ATP13A5: variants seen among roughly 807,000 people sequenced by gnomAD.
ATP13A5 encodes probable cation-transporting ATPase 13A5.
In ATP13A5, 149 loss-of-function variants were observed where a neutral mutation model predicts 150.2. That is an observed-to-expected ratio of 0.99 (90% CI 0.87 to 1.14). The LOEUF is 1.14. ATP13A5 is among the 50% of genes most tolerant of loss of function. ATP13A5 has a pLI of 0.00. For missense variants in ATP13A5, 1,383 were observed against 1,449.3 expected, an observed-to-expected ratio of 0.95 and a Z score of 0.74; for synonymous variants, 497 against 522.2, an observed-to-expected ratio of 0.95 and a Z score of 0.66.
At chr3:193,291,425 C>T (rs962654252) in intron 25 of ATP13A5, among the ~76,000 whole-genome samples, 3 of 151,990 alleles carry the variant, frequency 2.0e-5, no homozygotes, top group Non-Finnish European at 4.4e-5. Flanking sequence ...CTTTGAAATG[C>T]CCTCAGTGAT....
At chr3:193,285,992 G>GT (rs1560113909) in intron 26 of ATP13A5, among the ~76,000 whole-genome samples, 2 of 151,982 alleles carry the variant, frequency 1.3e-5, no homozygotes. Flanking sequence ...TTTTTTTGTG[G>GT]TTTTGTTTTT....
chr3:193,326,746 A>G (rs570322583), intron 13 of ATP13A5, among the ~76,000 whole-genome samples: 1 of 152,228 alleles, frequency 6.6e-6, no homozygotes, highest in South Asian at 2.1e-4. Context: ...TCTCTGTTTT[A>G]TTCATTTAGT....
At chr3:193,307,092 A>G in intron 22 of ATP13A5, 2 of 984,944 alleles carry the variant, frequency 2.0e-6, no homozygotes, top group Non-Finnish European at 2.4e-6. Context: ...TGGGAGTCTA[A>G]GTAGCCTTCC....
Position 193,334,963 on chromosome 3 carries a change from C to T in ATP13A5, c.1080G>A (p.Gly360=). The T allele has an allele frequency of 6.2e-7, 1 of 1,613,894 alleles. No homozygotes were observed. The highest frequency in any genetic ancestry group is 8.5e-7 in the Non-Finnish European group (1 of 1,179,818). ...AAACGACTGCTCGTACAGGCCCCTGCCCAGAGGGCTTGACCTGGATAACTT... is the reference window on the plus strand; with the variant it reads ...AAACGACTGCTCGTACAGGCCCCTGTCCAGAGGGCTTGACCTGGATAACTT... ...GTEVIQVKPS[G]QGPVRAVVLQ... is the part of the protein sequence containing the mutation. The change falls in exon 10 of 30, where the codon GGG becomes GGA. Residue 360 remains glycine (G), a synonymous_variant. Coordinates refer to ENST00000342358, the MANE Select transcript of ATP13A5 (RefSeq NM_198505.4).
At chr3:193,311,048 C>T (rs1161958080) in intron 20 of ATP13A5, among the ~76,000 whole-genome samples, 1 of 152,136 alleles carries the variant, frequency 6.6e-6, no homozygotes. Context: ...TCCTGATAGA[C>T]ACCATCTCCA....
rs575305148 is a variant in ATP13A5, at chr3:193,331,316, G to A, written c.1273-5C>T. On this transcript the variant is annotated splice_polypyrimidine_tract_variant and splice_region_variant and intron_variant, in intron 11 of 29. Transcript: ENST00000342358. ...CACAGTATCTTTTGGAGGAACCTGG[G>A]AGAGGACAGACATTTTCATACAGGA... The A allele has an allele frequency of 1.9e-6, 3 of 1,611,080 alleles. No individual in the cohort carries two copies. Among genetic ancestry groups the A allele is most frequent in the Admixed American group, 1.7e-5 (1 of 59,860 alleles).
chr3:193,288,231 C>T (rs578091011), intron 26 of ATP13A5, among the ~76,000 whole-genome samples: 5 of 152,246 alleles, frequency 3.3e-5, no homozygotes, highest in East Asian at 3.9e-4. Context: ...GACAAAGCAT[C>T]AGCAGGGTTT....
chr3:193,291,079 T>A (rs1210361645), intron 25 of ATP13A5, among the ~76,000 whole-genome samples: 1 of 152,098 alleles, frequency 6.6e-6, no homozygotes, highest in Non-Finnish European at 1.5e-5. Flanking sequence ...ATGATAAAAC[T>A]CTATAGTATT....
At chr3:193,336,465 C>A (rs920324725) in intron 9 of ATP13A5, among the ~76,000 whole-genome samples, 3 of 152,132 alleles carry the variant, frequency 2.0e-5, no homozygotes, top group Non-Finnish European at 4.4e-5. Context: ...TCAATTCCCA[C>A]CTATGAGTGA....
chr3:193,340,934 T>C (rs1712095789), intron 9 of ATP13A5, among the ~76,000 whole-genome samples: 1 of 152,126 alleles, frequency 6.6e-6, no homozygotes, highest in South Asian at 2.1e-4. Context: ...CTAATAAATA[T>C]CTGTAGAATG....
intron 7 of ATP13A5, among the ~76,000 whole-genome samples, chr3:193,347,524 C>CTTTTTTTTTTTTTTT (rs1553820269): frequency 3.1e-4 from 45 of 145,418 alleles, no homozygotes; most frequent in African/African-American, 1.0e-3. Flanking sequence ...CCTTAGATTT[C>CTTTTTTTTTTTTTTT]TTTTTTTTTT....
chr3:193,371,607 G>A (rs1157716099), intron 1 of ATP13A5, among the ~76,000 whole-genome samples: 2 of 152,130 alleles, frequency 1.3e-5, no homozygotes, highest in Non-Finnish European at 2.9e-5. Flanking sequence ...CCTTAAGATG[G>A]GGGGCCCCCA....
At chr3:193,325,429 CA>C (rs1266699730) in intron 13 of ATP13A5, among the ~76,000 whole-genome samples, 2 of 152,160 alleles carry the variant, frequency 1.3e-5, no homozygotes, top group African/African-American at 4.8e-5. Context: ...CAGAATTTTC[CA>C]CTGGCCAATC....
chr3:193,355,353 T>C (rs1460024558), intron 5 of ATP13A5, among the ~76,000 whole-genome samples: 2 of 152,184 alleles, frequency 1.3e-5, no homozygotes, highest in African/African-American at 4.8e-5. Flanking sequence ...GCACTTATTG[T>C]AATAGAAACT....
intron 5 of ATP13A5, among the ~76,000 whole-genome samples, chr3:193,359,384 T>TTCTCTC (rs367611908): frequency 6.6e-6 from 1 of 150,860 alleles, no homozygotes; most frequent in Admixed American, 6.6e-5. Flanking sequence ...CTCTCTGTCC[T>TTCTCTC]TCTCTCTCTC....
intron 1 of ATP13A5, among the ~76,000 whole-genome samples, chr3:193,371,735 C>T (rs892492567): frequency 1.3e-5 from 2 of 152,168 alleles, no homozygotes; most frequent in African/African-American, 4.8e-5. Flanking sequence ...AGACCTCTCT[C>T]GTGCTTTAAC....
intron 1 of ATP13A5, among the ~76,000 whole-genome samples, chr3:193,365,863 G>T (rs1375668847): frequency 6.6e-6 from 1 of 152,020 alleles, no homozygotes; most frequent in Non-Finnish European, 1.5e-5. Flanking sequence ...TAGTAAGACT[G>T]CAATGAAAGC....
intron 25 of ATP13A5, among the ~76,000 whole-genome samples, chr3:193,291,768 G>A (rs1356954150): frequency 2.0e-5 from 3 of 152,032 alleles, no homozygotes; most frequent in Admixed American, 6.6e-5. Context: ...ACCCATCGAT[G>A]TGCCAAGAGG....
At chr3:193,351,344 T>C (rs1712555708) in intron 6 of ATP13A5, 143 bp from the exon 7 acceptor site, 7 of 1,017,932 alleles carry the variant, frequency 6.9e-6, no homozygotes, top group Middle Eastern at 2.2e-4. Context: ...TAGATCTCTA[T>C]TGATTTGGGT....
Sources: gnomAD v4.1 joint callset for allele counts (sites outside exome capture counted in the v4.1 genomes callset) on GRCh38, gnomAD v4.1.1 for gene constraint, MANE v1.5 for transcripts, NCBI Gene and HGNC (gene_info 2026-07-23, HGNC 2026-07-21) for gene names.